The following LDLRAD3 variants were observed in gnomAD, a reference collection of about 807,000 sequenced individuals.
LDLRAD3 encodes low-density lipoprotein receptor class A domain-containing protein 3.
A neutral mutation model predicts 29.4 loss-of-function variants in LDLRAD3; 20 were observed. The ratio of observed to expected loss-of-function variants is 0.68; its 90% CI spans 0.48 to 0.99. The LOEUF (loss-of-function observed/expected upper bound fraction) is 0.99, where lower values mean the gene tolerates loss of function less well. Among genes scored for constraint, LDLRAD3 ranks in the 50% least tolerant of loss-of-function variants. The probability of loss-of-function intolerance (pLI) is 0.00; values close to 1 mark genes in which losing one functional copy is unlikely to be tolerated. For synonymous variants in LDLRAD3, 157 were observed against 192.7 expected, an observed-to-expected ratio of 0.81 and a Z score of 1.53; for missense variants, 420 against 454.3, an observed-to-expected ratio of 0.92 and a Z score of 0.69.
At chr11:36,123,918 CT>C (rs1378457743) in intron 4 of LDLRAD3, among the ~76,000 whole-genome samples, 1 of 152,232 alleles carries the variant, frequency 6.6e-6, no homozygotes, top group Non-Finnish European at 1.5e-5. Context: ...TAAAATAAAG[CT>C]TAACTCAAAA....
At chr11:35,981,418 A>C (rs1429905424) in intron 1 of LDLRAD3, among the ~76,000 whole-genome samples, 4 of 152,168 alleles carry the variant, frequency 2.6e-5, no homozygotes, top group Non-Finnish European at 4.4e-5. Context: ...GTGGGGATTA[A>C]GTGGGTTAAG....
At chr11:35,945,667 G>A (rs1038463142) in intron 1 of LDLRAD3, among the ~76,000 whole-genome samples, 3 of 152,224 alleles carry the variant, frequency 2.0e-5, no homozygotes, top group African/African-American at 7.2e-5. Context: ...TGTAGCTGTG[G>A]TGTGTCCCCT....
intron 3 of LDLRAD3, among the ~76,000 whole-genome samples, chr11:36,082,114 A>G (rs1238211524): frequency 6.6e-6 from 1 of 152,234 alleles, no homozygotes; most frequent in Non-Finnish European, 1.5e-5. Context: ...ATAGCTCATA[A>G]GAAGCAGAGC....
intron 4 of LDLRAD3, among the ~76,000 whole-genome samples, chr11:36,178,423 C>G (rs115420784): frequency 2.0e-5 from 3 of 152,154 alleles, no homozygotes; most frequent in Non-Finnish European, 4.4e-5. Context: ...GTCTTCCCAC[C>G]TCCTCATTCC....
At chr11:36,102,394 C>A (rs1298056378) in intron 4 of LDLRAD3, among the ~76,000 whole-genome samples, 1 of 152,110 alleles carries the variant, frequency 6.6e-6, no homozygotes, top group African/African-American at 2.4e-5. Flanking sequence ...TGGCTGGCTC[C>A]AAGACCAGAA....
chr11:36,223,947 T>A (rs532069845), intron 4 of LDLRAD3, among the ~76,000 whole-genome samples: 1 of 151,970 alleles, frequency 6.6e-6, no homozygotes, highest in Non-Finnish European at 1.5e-5. Context: ...AGCTGGATAG[T>A]GGTGATGGAT....
chr11:36,069,308 A>G (rs1241025824), intron 2 of LDLRAD3, among the ~76,000 whole-genome samples: 2 of 152,160 alleles, frequency 1.3e-5, no homozygotes, highest in Non-Finnish European at 2.9e-5. Flanking sequence ...GAAGTCAGTT[A>G]TTTTTACAAG....
intron 2 of LDLRAD3, among the ~76,000 whole-genome samples, chr11:36,048,985 GC>G (rs2133221566): frequency 6.6e-6 from 1 of 152,232 alleles, no homozygotes; most frequent in African/African-American, 2.4e-5. Context: ...ACTGTGTGCT[GC>G]CTTTTCTCTG....
chr11:35,962,347 T>A (rs1043014820), intron 1 of LDLRAD3, among the ~76,000 whole-genome samples: 3 of 152,024 alleles, frequency 2.0e-5, no homozygotes, highest in Non-Finnish European at 4.4e-5. Flanking sequence ...CAGGTATATT[T>A]TAGTTTTGCT....
At chr11:36,142,813 G>A (rs1355702753) in intron 4 of LDLRAD3, among the ~76,000 whole-genome samples, 1 of 152,126 alleles carries the variant, frequency 6.6e-6, no homozygotes, top group African/African-American at 2.4e-5. Context: ...CCAGAGGTTG[G>A]AATTTCTGTG....
chr11:36,183,590 G>C (rs1259973567), intron 4 of LDLRAD3, among the ~76,000 whole-genome samples: 1 of 152,172 alleles, frequency 6.6e-6, no homozygotes, highest in Non-Finnish European at 1.5e-5. Flanking sequence ...ACTTCTCAAA[G>C]TATAGATGGA....
At chr11:36,208,222 G>A (rs951617248) in intron 4 of LDLRAD3, among the ~76,000 whole-genome samples, 1 of 152,170 alleles carries the variant, frequency 6.6e-6, no homozygotes, top group Non-Finnish European at 1.5e-5. Context: ...GGCCAAAGGT[G>A]AAACAACCTG....
At chr11:36,018,782 C>T (rs764690674) in intron 1 of LDLRAD3, among the ~76,000 whole-genome samples, 2 of 152,144 alleles carry the variant, frequency 1.3e-5, no homozygotes, top group African/African-American at 2.4e-5. Flanking sequence ...TTTTGCCAGT[C>T]GCATTGTTCT....
At chr11:35,972,376 A>G (rs1416747308) in intron 1 of LDLRAD3, 1 of 152,152 alleles carries the variant, frequency 6.6e-6, no homozygotes, top group African/African-American at 2.4e-5. Flanking sequence ...TAAAGGGGGA[A>G]GAGCAGAGGA....
intron 1 of LDLRAD3, among the ~76,000 whole-genome samples, chr11:36,018,667 C>A (rs767311607): frequency 2.6e-5 from 4 of 152,142 alleles, no homozygotes; most frequent in Non-Finnish European, 5.9e-5. Context: ...CAGGTGCTGT[C>A]AAATGGCCCT....
chr11:36,083,237 A>T (rs1853143020), intron 3 of LDLRAD3, among the ~76,000 whole-genome samples: 1 of 152,214 alleles, frequency 6.6e-6, no homozygotes, highest in Admixed American at 6.5e-5. Flanking sequence ...CTTGATAAGT[A>T]TATCATGACA....
chr11:36,102,469 T>C (rs746730908), intron 4 of LDLRAD3, among the ~76,000 whole-genome samples: 7 of 151,842 alleles, frequency 4.6e-5, no homozygotes, highest in Non-Finnish European at 8.8e-5. Flanking sequence ...TTCTCCACTT[T>C]AGCAACACCA....
chr11:36,126,946 G>C (rs1853846960), intron 4 of LDLRAD3, among the ~76,000 whole-genome samples: 1 of 152,176 alleles, frequency 6.6e-6, no homozygotes, highest in South Asian at 2.1e-4. Flanking sequence ...AAATTGTGCA[G>C]AATCAGCCCA....
At chr11:36,042,783 G>C (rs1405968289) in intron 2 of LDLRAD3, among the ~76,000 whole-genome samples, 1 of 152,196 alleles carries the variant, frequency 6.6e-6, no homozygotes, top group Non-Finnish European at 1.5e-5. Context: ...ATGATGTGAA[G>C]ACTTGGAGCA....
Sources: allele counts gnomAD v4.1 joint callset (sites outside exome capture counted in the v4.1 genomes callset), GRCh38; gene constraint gnomAD v4.1.1; transcripts MANE v1.5; gene names NCBI Gene and HGNC (gene_info 2026-07-23, HGNC 2026-07-21).